The following PPP3CA variants were observed in gnomAD, a reference collection of about 807,000 sequenced individuals.
PPP3CA encodes protein phosphatase 3 catalytic subunit alpha.
PPP3CA carries 14 observed loss-of-function variants against 66.5 expected under a neutral mutation model. The ratio of observed to expected loss-of-function variants is 0.21; its 90% CI spans 0.14 to 0.33. PPP3CA has a LOEUF of 0.33. Ranked by LOEUF, PPP3CA falls within the 10% of genes least tolerant of loss-of-function variation. The pLI is 1.00. For missense variants in PPP3CA, 317 were observed against 639.5 expected, an observed-to-expected ratio of 0.50 and a Z score of 5.44; for synonymous variants, 232 against 226.2, an observed-to-expected ratio of 1.03 and a Z score of -0.23.
At chr4:101,142,555 T>G (rs1437670509) in intron 2 of PPP3CA, among the ~76,000 whole-genome samples, 9 of 152,110 alleles carry the variant, frequency 5.9e-5, no homozygotes, top group African/African-American at 1.2e-4. Context: ...CCTCACAACC[T>G]ACTCCACCCA....
At chr4:101,294,838 C>T (rs1351826181) in intron 1 of PPP3CA, among the ~76,000 whole-genome samples, 1 of 151,340 alleles carries the variant, frequency 6.6e-6, no homozygotes, top group Non-Finnish European at 1.5e-5. Flanking sequence ...ATTGCGAAAC[C>T]CACCCGCTTC....
chr4:101,280,266 G>A (rs1727637247), intron 1 of PPP3CA, among the ~76,000 whole-genome samples: 1 of 152,146 alleles, frequency 6.6e-6, no homozygotes, highest in East Asian at 1.9e-4. Context: ...GTAAGGAGGT[G>A]GGGAGACTAA....
rs950671632 is a variant in PPP3CA at position 101,039,493 on chromosome 4, C to T, written c.1241+989G>A. Among the ~76,000 whole-genome samples, 3 of 144,552 alleles carry T rather than the reference C, an allele frequency of 2.1e-5. 1 individual carries two copies. The highest frequency in any genetic ancestry group is 1.4e-4 in the Admixed American group (2 of 14,422). 94.8% of individuals were successfully genotyped at this position (144,552 alleles called of 152,430 possible). ...AATAACGGAAGGGAGCAATGATGCC[C>T]TATTTTCCGCTTGAACATGGCTGGT... On this transcript the variant is annotated intron_variant, in intron 11 of 13. Coordinates refer to ENST00000394854, the MANE Select transcript of PPP3CA (RefSeq NM_000944.5).
chr4:101,308,244 A>G (rs938369837), intron 1 of PPP3CA, among the ~76,000 whole-genome samples: 4 of 152,228 alleles, frequency 2.6e-5, no homozygotes, highest in Non-Finnish European at 5.9e-5. Context: ...TTCATGTTAT[A>G]CAATGGAATT....
At chr4:101,133,692 C>G (rs1234218526) in intron 2 of PPP3CA, among the ~76,000 whole-genome samples, 1 of 152,138 alleles carries the variant, frequency 6.6e-6, no homozygotes. Context: ...AGATTCAATG[C>G]TATTCCCATT....
chr4:101,334,036 G>A (rs919127014), intron 1 of PPP3CA, among the ~76,000 whole-genome samples: 2 of 152,114 alleles, frequency 1.3e-5, no homozygotes, highest in Non-Finnish European at 2.9e-5. Flanking sequence ...AGTAGAAGCA[G>A]TATCTTTTTA....
chr4:101,187,283 G>A (rs1724442745), intron 2 of PPP3CA, among the ~76,000 whole-genome samples: 1 of 151,922 alleles, frequency 6.6e-6, no homozygotes, highest in South Asian at 2.1e-4. Flanking sequence ...TGAACCAGAA[G>A]TTTGAAAATA....
At chr4:101,272,682 T>C (rs1281670077) in intron 1 of PPP3CA, among the ~76,000 whole-genome samples, 2 of 152,302 alleles carry the variant, frequency 1.3e-5, no homozygotes, top group East Asian at 1.9e-4. Flanking sequence ...ATCTACCTCA[T>C]GAGATTAAAT....
intron 2 of PPP3CA, among the ~76,000 whole-genome samples, chr4:101,127,534 T>C (rs1319824996): frequency 2.0e-5 from 3 of 152,126 alleles, no homozygotes; most frequent in Non-Finnish European, 2.9e-5. Flanking sequence ...TACCAGAAGC[T>C]GGAAGAGGCA....
intron 2 of PPP3CA, among the ~76,000 whole-genome samples, chr4:101,193,357 T>C (rs1724672818): frequency 6.6e-6 from 1 of 152,050 alleles, no homozygotes; most frequent in African/African-American, 2.4e-5. Flanking sequence ...CTACATTTTT[T>C]GGGAAAAAAA....
chr4:101,342,700 CATGAAA>C (rs1729854832), intron 1 of PPP3CA, among the ~76,000 whole-genome samples: 1 of 152,130 alleles, frequency 6.6e-6, no homozygotes, highest in Non-Finnish European at 1.5e-5. Context: ...AAACCAGATA[CATGAAA>C]CTCAACTGAT....
At chr4:101,109,308 T>TAA (rs70961775) in intron 2 of PPP3CA, among the ~76,000 whole-genome samples, 471 of 89,594 alleles carry the variant, frequency 5.3e-3, no homozygotes, top group African/African-American at 0.011. Context: ...ACAGATTAAC[T>TAA]AAAAAAAAAA....
At chr4:101,308,933 A>G (rs1332954648) in intron 1 of PPP3CA, among the ~76,000 whole-genome samples, 1 of 152,144 alleles carries the variant, frequency 6.6e-6, no homozygotes, top group Non-Finnish European at 1.5e-5. Flanking sequence ...ATTGTGGCGC[A>G]TGGGCAACAC....
At chr4:101,273,613 C>A (rs1347649835) in intron 1 of PPP3CA, among the ~76,000 whole-genome samples, 1 of 152,218 alleles carries the variant, frequency 6.6e-6, no homozygotes, top group African/African-American at 2.4e-5. Flanking sequence ...GCGTGAGCCA[C>A]CACACCTGGC....
chr4:101,236,391 C>T (rs969478625), intron 1 of PPP3CA, among the ~76,000 whole-genome samples: 2 of 151,860 alleles, frequency 1.3e-5, no homozygotes, highest in African/African-American at 4.8e-5. Context: ...CTGAAAGAAA[C>T]CATGTAAACT....
chr4:101,067,032 G>T (rs1316195616), intron 8 of PPP3CA, among the ~76,000 whole-genome samples: 1 of 152,074 alleles, frequency 6.6e-6, no homozygotes, highest in Non-Finnish European at 1.5e-5. Context: ...CTTAACAATT[G>T]TAACAGAGAG....
At chr4:101,242,577 C>A (rs11941610) in intron 1 of PPP3CA, among the ~76,000 whole-genome samples, 100,577 of 151,758 alleles carry the variant, frequency 0.66, 34,312 homozygotes, top group Non-Finnish European at 0.74. Flanking sequence ...CCATATCCTG[C>A]ATCATGGATT....
chr4:101,046,512 A>G (rs1454134221), intron 10 of PPP3CA, among the ~76,000 whole-genome samples: 2 of 152,032 alleles, frequency 1.3e-5, no homozygotes, highest in Non-Finnish European at 2.9e-5. Context: ...ATATATATAA[A>G]AAGTATATTT....
intron 1 of PPP3CA, among the ~76,000 whole-genome samples, chr4:101,303,092 G>A (rs1272529119): frequency 2.0e-5 from 3 of 152,078 alleles, no homozygotes; most frequent in Non-Finnish European, 2.9e-5. Flanking sequence ...CTGTGACTAC[G>A]TCAAAATGCG....
Sources: gnomAD v4.1 joint callset for allele counts (sites outside exome capture counted in the v4.1 genomes callset) on GRCh38, gnomAD v4.1.1 for gene constraint, MANE v1.5 for transcripts, NCBI Gene and HGNC (gene_info 2026-07-23, HGNC 2026-07-21) for gene names.